Variants in CLCC1 observed in about 807,000 individuals in gnomAD.
The protein encoded by CLCC1 is chloride channel CLIC-like protein 1.
Under a neutral mutation model 63.3 loss-of-function variants are expected in CLCC1, and 39 were observed. The observed-to-expected ratio is 0.62, with a 90% confidence interval of 0.48 to 0.81. CLCC1 has a LOEUF of 0.81. CLCC1 is among the 30% of genes least tolerant of loss of function. The probability of loss-of-function intolerance (pLI) is 0.00; values close to 1 mark genes in which losing one functional copy is unlikely to be tolerated. For synonymous variants in CLCC1, 217 were observed against 239.8 expected (o/e 0.90, Z 0.88); for missense variants, 549 against 669.4 (o/e 0.82, Z 1.98).
intron 10 of CLCC1, among the ~76,000 whole-genome samples, chr1:108,938,387 T>C (rs1384269800): frequency 2.0e-5 from 3 of 152,178 alleles, no homozygotes; most frequent in African/African-American, 7.2e-5. Context: ...ACTATGACTA[T>C]AGAACTAATG....
chr1:108,959,889 G>A (rs1451472973), intron 2 of CLCC1, among the ~76,000 whole-genome samples: 1 of 152,200 alleles, frequency 6.6e-6, no homozygotes, highest in Non-Finnish European at 1.5e-5. Flanking sequence ...CAGCACTTTG[G>A]GAAGCCAAGG....
chr1:108,945,933 C>T (rs959147524), intron 5 of CLCC1, among the ~76,000 whole-genome samples: 1 of 151,884 alleles, frequency 6.6e-6, no homozygotes, highest in Non-Finnish European at 1.5e-5. Flanking sequence ...GAGGCCGAGG[C>T]GGTCAGATCA....
intron 1 of CLCC1, among the ~76,000 whole-genome samples, chr1:108,962,676 C>T (rs1180658174): frequency 6.6e-6 from 1 of 152,086 alleles, no homozygotes; most frequent in Non-Finnish European, 1.5e-5. Context: ...AGAGACAAGC[C>T]TGGACAACAC....
At chr1:108,936,719 G>A (rs548723537) in intron 11 of CLCC1, among the ~76,000 whole-genome samples, 2 of 152,246 alleles carry the variant, frequency 1.3e-5, no homozygotes, top group Non-Finnish European at 2.9e-5. Flanking sequence ...ATCCTTTAGG[G>A]CTCTACTGTA....
At chr1:108,950,662 C>A (rs1655074673) in intron 2 of CLCC1, among the ~76,000 whole-genome samples, 2 of 151,952 alleles carry the variant, frequency 1.3e-5, no homozygotes, top group South Asian at 2.1e-4. Flanking sequence ...GTGTGTGCCA[C>A]CACACCTGGA....
Position 108,939,713 on chromosome 1 carries a change from A to ATTCCCCAGTTCCT in CLCC1, c.951_963dup (p.Phe322ArgfsTer7). The stretch of plus-strand genomic sequence containing the variant: ...ATTTCCTTCATGAGTGCTTTAATAA[A>ATTCCCCAGTTCCT]TTCCCCAGTTCCTTTTCCAATATGC... On this transcript the variant is annotated frameshift_variant, in exon 10 of 13. Coordinates refer to ENST00000369969, the MANE Select transcript of CLCC1 (RefSeq NM_001377458.1). LOFTEE classifies it high-confidence loss of function. The ATTCCCCAGTTCCT allele has an allele frequency of 6.2e-7, 1 of 1,614,160 alleles. No individual in the cohort carries two copies. The highest frequency in any genetic ancestry group is 8.5e-7 in the Non-Finnish European group (1 of 1,180,030).
Position 108,939,616 on chromosome 1 carries a change from G to A in CLCC1, c.1041+20C>T. 1 of 1,611,858 alleles carries A rather than the reference G, an allele frequency of 6.2e-7. No individual in the cohort carries two copies. The highest frequency in any genetic ancestry group is 1.3e-5 in the African/African-American group (1 of 74,920). ...GAGCCACCGCGCCTGGCCCGACAGT[G>A]CTAATATATTAATACTAACCAGGAT... On this transcript the variant is annotated intron_variant, in intron 10 of 12. Transcript: ENST00000369969.
intron 11 of CLCC1, among the ~76,000 whole-genome samples, chr1:108,936,093 T>G (rs904300627): frequency 3.4e-4 from 49 of 143,128 alleles, no homozygotes; most frequent in African/African-American, 1.2e-3. Context: ...TTGTTTTTTT[T>G]TTTTTTTTTT....
Position 108,929,614 on chromosome 1 carries a change from GT to G in CLCC1, c.*2932del. 1 of 1,246,012 alleles carries G rather than the reference GT, an allele frequency of 8.0e-7. No individual in the cohort carries two copies. Among genetic ancestry groups the G allele is most frequent in the Non-Finnish European group, 1.2e-6 (1 of 849,662 alleles). 77.2% of individuals were successfully genotyped at this position (1,246,012 alleles called of 1,614,324 possible). Reference sequence around the variant, plus strand: ...GCCCCAAATAAAAGTTTACAACTGCGTTTTCTTGTTGTGACTGAGAGATTTA... The same window carrying G: ...GCCCCAAATAAAAGTTTACAACTGCGTTTCTTGTTGTGACTGAGAGATTTA... On this transcript the variant is annotated 3_prime_UTR_variant, in exon 13 of 13. Transcript: ENST00000369969.
chr1:108,954,355 C>T (rs1013092766), intron 2 of CLCC1, among the ~76,000 whole-genome samples: 2 of 150,794 alleles, frequency 1.3e-5, no homozygotes, highest in East Asian at 3.9e-4. Context: ...ATTAGCCAGG[C>T]GTGGTGGCAC....
chr1:108,956,636 G>A (rs1475441026), intron 2 of CLCC1, among the ~76,000 whole-genome samples: 1 of 147,286 alleles, frequency 6.8e-6, no homozygotes. Flanking sequence ...ACTCCAGCCT[G>A]GGTGACACAG....
intron 7 of CLCC1, among the ~76,000 whole-genome samples, chr1:108,942,772 C>T (rs1219975928): frequency 6.6e-6 from 1 of 151,990 alleles, no homozygotes; most frequent in Non-Finnish European, 1.5e-5. Context: ...AAATTCTCTG[C>T]CATGAATATA....
At chr1:108,933,742 C>T (rs1391478024) in intron 12 of CLCC1, 2 of 152,160 alleles carry the variant, frequency 1.3e-5, no homozygotes, top group Non-Finnish European at 2.9e-5. Flanking sequence ...ATCAGAAAGA[C>T]TAATGTAAAG....
At chr1:108,941,289 G>T in intron 8 of CLCC1, 116 bp downstream of exon 8, 1 of 910,284 alleles carries the variant, frequency 1.1e-6, no homozygotes, top group Non-Finnish European at 1.7e-6. Context: ...ATGTTCTTCT[G>T]ATATTAAAGA....
At chr1:108,941,278 C>T (rs1031100337) in intron 8 of CLCC1, 127 bp downstream of exon 8, 10 of 828,006 alleles carry the variant, frequency 1.2e-5, no homozygotes, top group African/African-American at 1.0e-4. Flanking sequence ...ATGCTTCTTG[C>T]ATGTTCTTCT....
intron 5 of CLCC1, among the ~76,000 whole-genome samples, chr1:108,944,787 G>A (rs534064463): frequency 3.9e-5 from 6 of 152,166 alleles, no homozygotes; most frequent in African/African-American, 9.6e-5. Context: ...CCGCCACTAC[G>A]CCTGGCTAAT....
At chr1:108,949,265 G>A (rs942833499) in intron 4 of CLCC1, among the ~76,000 whole-genome samples, 3 of 152,078 alleles carry the variant, frequency 2.0e-5, no homozygotes, top group East Asian at 1.9e-4. Context: ...CCCTGCCTAC[G>A]CAGCCAACCG....
In CLCC1 at chr1:108,944,028, A is replaced by G. The variant is rs1486141584; in HGVS notation, c.369T>C (p.Tyr123=). The change falls in exon 6 of 13, where the codon TAT becomes TAC. Residue 123 remains tyrosine, a synonymous_variant. Coordinates refer to ENST00000369969, the MANE Select transcript of CLCC1 (RefSeq NM_001377458.1). The part of the protein sequence containing the change: ...LPDENKGDMH[Y]DAEIILKRET... ...CTCTTTTAAGGATAATCTCAGCATC[A>G]TAATGCATATCGCCTTTGTTTTCAT... is the stretch of plus-strand genomic sequence containing the variant. The G allele has an allele frequency of 3.1e-6, 5 of 1,608,632 alleles. No individual in the cohort carries two copies. The highest frequency in any genetic ancestry group is 4.2e-6 in the Non-Finnish European group (5 of 1,178,168).
intron 2 of CLCC1, among the ~76,000 whole-genome samples, chr1:108,957,909 T>A (rs1254796114): frequency 2.6e-5 from 4 of 151,164 alleles, no homozygotes; most frequent in Non-Finnish European, 5.9e-5. Context: ...AAAGACTGAG[T>A]CCTGGGCAAG....
Sources: allele counts gnomAD v4.1 joint callset (sites outside exome capture counted in the v4.1 genomes callset), GRCh38; gene constraint gnomAD v4.1.1; transcripts MANE v1.5; gene names NCBI Gene and HGNC (gene_info 2026-07-23, HGNC 2026-07-21).